APP: variants seen among roughly 807,000 people sequenced by gnomAD.
The protein encoded by APP is amyloid-beta precursor protein.
In APP, 31 loss-of-function variants were observed where a neutral mutation model predicts 101.4. The ratio of observed to expected loss-of-function variants is 0.31; its 90% CI spans 0.23 to 0.41. The LOEUF (loss-of-function observed/expected upper bound fraction) is 0.41. Among genes scored for constraint, APP ranks in the 10% least tolerant of loss-of-function variants. The pLI, the probability that APP is intolerant of heterozygous loss-of-function variation, is 1.00. For missense variants in APP, 839 were observed against 1,003.7 expected (o/e 0.84, Z 2.22); for synonymous variants, 366 against 364.4 (o/e 1.00, Z -0.05).
intron 13 of APP, among the ~76,000 whole-genome samples, chr21:25,952,571 A>C (rs1457625037): frequency 6.6e-6 from 1 of 152,196 alleles, no homozygotes; most frequent in Non-Finnish European, 1.5e-5. Context: ...GTATAGTGCC[A>C]AATAAAAAGT....
At chr21:26,035,736 G>T (rs1412256851) in intron 5 of APP, among the ~76,000 whole-genome samples, 1 of 152,138 alleles carries the variant, frequency 6.6e-6, no homozygotes, top group Admixed American at 6.6e-5. Context: ...TGTGGGAGAA[G>T]AAAGCAGCGC....
At chr21:26,001,794 T>C (rs1192177270) in intron 6 of APP, among the ~76,000 whole-genome samples, 2 of 50,604 alleles carry the variant, frequency 4.0e-5, no homozygotes, top group Non-Finnish European at 7.5e-5. Context: ...CCACTGCCAC[T>C]GGTCCTTCAA....
chr21:26,084,540 A>AG (rs34594285), intron 3 of APP, among the ~76,000 whole-genome samples: 152,347 of 152,348 alleles, frequency 1, 76,173 homozygotes, highest in Non-Finnish European at 1. Flanking sequence ...GCCCGGCCGA[A>AG]GACACCATTT....
At position 26,076,108 on chromosome 21, in the gene APP, G is replaced by A. The variant is rs551964686; in HGVS notation, c.355+13835C>T. ...GGGGTTTCACTATGTTGGCCAGGCT[G>A]GTCTCCAACTCCTAACCTCAGGTGA... On this transcript the variant is annotated intron_variant, in intron 3 of 17. Transcript: ENST00000346798. Among the ~76,000 whole-genome samples, 158 of 152,174 alleles carry A rather than the reference G, an allele frequency of 1.0e-3. 1 individual carries two copies. Among genetic ancestry groups the A allele is most frequent in the African/African-American group, 3.5e-3 (145 of 41,526 alleles).
At position 26,105,683 on chromosome 21, in the gene APP, T is replaced by C. The variant is rs552880033; in HGVS notation, c.225+6296A>G. On this transcript the variant is annotated intron_variant, in intron 2 of 17. Transcript: ENST00000346798. ...ATCCTGAAATATCTATAAAGAATGT[T>C]CTAGAGAATTCAAGATGCACAATTT... Among the ~76,000 whole-genome samples the C allele has an allele frequency of 1.4e-4, 21 of 152,288 alleles. No individual in the cohort carries two copies. The South Asian group carries it at 4.1e-3, about 30-fold the overall frequency.
chr21:26,045,866 T>C (rs1338053317), intron 5 of APP, among the ~76,000 whole-genome samples: 1 of 152,170 alleles, frequency 6.6e-6, no homozygotes, highest in African/African-American at 2.4e-5. Context: ...AAGGCATACC[T>C]GAGACTGGGT....
rs1430260740 is a variant in APP, at chr21:26,170,624, G to A, written c.-4C>T. 1 of 1,534,692 alleles carries A rather than the reference G, an allele frequency of 6.5e-7. No individual in the cohort carries two copies. Reference sequence around the variant, plus strand: ...GCAGTGCCAAACCGGGCAGCATCGCGACCCTGCGCGGGGCACCGAGTGCGC... The same window carrying A: ...GCAGTGCCAAACCGGGCAGCATCGCAACCCTGCGCGGGGCACCGAGTGCGC... On this transcript the variant is annotated 5_prime_UTR_variant, in exon 1 of 18. Coordinates refer to ENST00000346798, the MANE Select transcript of APP (RefSeq NM_000484.4).
At position 25,890,662 on chromosome 21, in the gene APP, C is replaced by A. The variant is rs372127109; in HGVS notation, c.2211+1060G>T. Among the ~76,000 whole-genome samples the A allele has an allele frequency of 4.8e-5, 7 of 144,776 alleles. No individual in the cohort carries two copies. The East Asian group carries it at 1.4e-3, about 30-fold the overall frequency. 95.0% of individuals were successfully genotyped at this position (144,776 alleles called of 152,430 possible). A position where few individuals can be genotyped will look rare whatever the true frequency, so the allele number is the denominator to read the frequency against. On this transcript the variant is annotated intron_variant, in intron 17 of 17. Transcript: ENST00000346798. ...GCTGAGACAAGAGAATTGCTTGAAC[C>A]CAGGAGGCAGAGGTTGCAGTGAGCC...
At chr21:25,932,408 C>T (rs1027075262) in intron 13 of APP, among the ~76,000 whole-genome samples, 13 of 152,132 alleles carry the variant, frequency 8.5e-5, no homozygotes, top group African/African-American at 2.4e-4. Flanking sequence ...ACGATCCATT[C>T]GACATGATGG....
Position 25,891,633 on chromosome 21 carries a change from GATACTT to G in APP, c.2211+83_2211+88del, listed in dbSNP as rs367709245. 3.3e-3 allele frequency: 4,264 copies of G among 1,302,824 alleles called. 11 individuals are homozygous for G. Among genetic ancestry groups the G allele is most frequent in the Non-Finnish European group, 4.0e-3 (3,614 of 898,714 alleles). The allele number at this position is 1,302,824 out of a possible 1,614,324, so 80.7% of individuals were successfully genotyped here. A position where few individuals can be genotyped will look rare whatever the true frequency, so the allele number is the denominator to read the frequency against. On this transcript the variant is annotated intron_variant, in intron 17 of 17. Coordinates refer to ENST00000346798, the MANE Select transcript of APP (RefSeq NM_000484.4). ...GCACACTGATTCGTTTTTTAAAAGAGATACTTAGCTAGTTCTTAGCAAAAAGCTAAG... is the reference window on the plus strand; with the variant it reads ...GCACACTGATTCGTTTTTTAAAAGAGAGCTAGTTCTTAGCAAAAAGCTAAG...
chr21:25,886,461 T>C (rs980528739), intron 17 of APP, among the ~76,000 whole-genome samples: 2 of 152,126 alleles, frequency 1.3e-5, no homozygotes, highest in Middle Eastern at 3.2e-3. Flanking sequence ...TGGCGTGATT[T>C]TGGCTCACTG....
At chr21:25,921,048 C>A (rs976365103) in intron 13 of APP, among the ~76,000 whole-genome samples, 1 of 146,648 alleles carries the variant, frequency 6.8e-6, no homozygotes, top group Non-Finnish European at 1.5e-5. Flanking sequence ...ACAGTGCAAT[C>A]AAACTAGAAC....
chr21:25,996,410 T>C (rs558660390), intron 8 of APP, among the ~76,000 whole-genome samples: 19 of 146 alleles, frequency 0.13, 1 homozygote, highest in South Asian at 0.47. Context: ...TGTACTACAA[T>C]ACCATGAATA....
intron 17 of APP, among the ~76,000 whole-genome samples, chr21:25,886,997 CTCT>C (rs1245476226): frequency 2.0e-5 from 3 of 151,548 alleles, no homozygotes; most frequent in Non-Finnish European, 4.4e-5. Flanking sequence ...AAAAGGAACT[CTCT>C]TCTTATTTAG....
chr21:25,986,634 A>T (rs1601120360), intron 8 of APP, among the ~76,000 whole-genome samples: 2 of 152,322 alleles, frequency 1.3e-5, no homozygotes. Flanking sequence ...TGGGAGGCGG[A>T]GGTTGCGGTG....
At chr21:26,123,189 T>C (rs2146245859) in intron 1 of APP, among the ~76,000 whole-genome samples, 1 of 152,328 alleles carries the variant, frequency 6.6e-6, no homozygotes, top group Admixed American at 6.5e-5. Context: ...CATTATATCG[T>C]CTGGTTTATT....
chr21:25,984,291 G>T (rs2042555307), intron 8 of APP, among the ~76,000 whole-genome samples: 1 of 151,858 alleles, frequency 6.6e-6, no homozygotes, highest in African/African-American at 2.4e-5. Flanking sequence ...AGAAACAAAA[G>T]AAAATACAAA....
At chr21:25,993,004 G>T (rs1214197447) in intron 8 of APP, among the ~76,000 whole-genome samples, 1 of 152,222 alleles carries the variant, frequency 6.6e-6, no homozygotes, top group African/African-American at 2.4e-5. Flanking sequence ...TCTGTCTTAT[G>T]GCTCCTGTCT....
At chr21:25,972,135 G>A (rs2146558975) in intron 11 of APP, among the ~76,000 whole-genome samples, 1 of 152,274 alleles carries the variant, frequency 6.6e-6, no homozygotes, top group South Asian at 2.1e-4. Context: ...GTATTCCATA[G>A]GTTCAAAAGT....
Sources: allele counts gnomAD v4.1 joint callset (sites outside exome capture counted in the v4.1 genomes callset), GRCh38; gene constraint gnomAD v4.1.1; transcripts MANE v1.5; gene names NCBI Gene and HGNC (gene_info 2026-07-23, HGNC 2026-07-21).